CSNK2A2IP: variants seen among roughly 807,000 people sequenced by gnomAD.
CSNK2A2IP encodes casein kinase II subunit alpha'-interacting protein.
chr3:88,462,968 A>T, the CSNK2A2IP span, among the ~76,000 whole-genome samples: 1 of 152,226 alleles, frequency 6.6e-6, no homozygotes, highest in African/African-American at 2.4e-5. Context: ...TAAGGCTTGA[A>T]AAACAAGTGA....
At chr3:88,404,349 A>G in the CSNK2A2IP span, among the ~76,000 whole-genome samples, 1 of 152,178 alleles carries the variant, frequency 6.6e-6, no homozygotes. Context: ...AAGTGAATAC[A>G]TTTCAGAGAC....
chr3:88,388,952 C>A, the CSNK2A2IP span, among the ~76,000 whole-genome samples: 1 of 145,400 alleles, frequency 6.9e-6, no homozygotes. Flanking sequence ...CTCCTTTGTG[C>A]TGCTTTAGAA....
chr3:88,362,516 A>T, the CSNK2A2IP span, among the ~76,000 whole-genome samples: 1 of 152,142 alleles, frequency 6.6e-6, no homozygotes, highest in Non-Finnish European at 1.5e-5. Flanking sequence ...GGTGGCATAG[A>T]TACTCCTGTA....
At chr3:88,362,095 T>A in the CSNK2A2IP span, among the ~76,000 whole-genome samples, 4 of 152,118 alleles carry the variant, frequency 2.6e-5, no homozygotes, top group Admixed American at 1.3e-4. Flanking sequence ...GAAGGCTTGA[T>A]CACAGGTGAC....
At chr3:88,420,423 C>T in the CSNK2A2IP span, among the ~76,000 whole-genome samples, 64 of 152,184 alleles carry the variant, frequency 4.2e-4, no homozygotes, top group Non-Finnish European at 7.8e-4. Flanking sequence ...AGATTAATAT[C>T]CCATCTTTGC....
At chr3:88,435,894 CACATTAT>C in the CSNK2A2IP span, among the ~76,000 whole-genome samples, 1 of 17,094 alleles carries the variant, frequency 5.9e-5, no homozygotes, top group Non-Finnish European at 2.6e-4. Context: ...ATATATAATG[CACATTAT>C]GTGTGCATTA....
chr3:88,446,047 TTTCTTTC>T, the CSNK2A2IP span, among the ~76,000 whole-genome samples: 1 of 63,062 alleles, frequency 1.6e-5, no homozygotes, highest in Admixed American at 1.5e-4. Context: ...TCTTTCTTTC[TTTCTTTC>T]TTTCTTTCTT....
the CSNK2A2IP span, among the ~76,000 whole-genome samples, chr3:88,433,085 T>C: frequency 1.3e-5 from 2 of 152,062 alleles, no homozygotes; most frequent in African/African-American, 4.8e-5. Context: ...TTGGTCCCTG[T>C]AGACCTTCAT....
chr3:88,363,474 C>T, the CSNK2A2IP span, among the ~76,000 whole-genome samples: 4 of 152,018 alleles, frequency 2.6e-5, no homozygotes, highest in Non-Finnish European at 5.9e-5. Flanking sequence ...TTACTTTCTG[C>T]TACTTCTAAT....
At chr3:88,435,647 G>A in the CSNK2A2IP span, among the ~76,000 whole-genome samples, 1 of 152,026 alleles carries the variant, frequency 6.6e-6, no homozygotes. Context: ...ATTACTTGCG[G>A]CCTTTAAAAA....
the CSNK2A2IP span, among the ~76,000 whole-genome samples, chr3:88,404,824 T>C: frequency 2.4e-5 from 3 of 122,666 alleles, no homozygotes; most frequent in African/African-American, 8.0e-5. Flanking sequence ...TTTGTGTGAC[T>C]AAAGTTTCTT....
At chr3:88,449,868 T>G in the CSNK2A2IP span, among the ~76,000 whole-genome samples, 604 of 74,142 alleles carry the variant, frequency 8.1e-3, 14 homozygotes, top group East Asian at 0.03. Context: ...TATATATATA[T>G]ATATATAGAG....
chr3:88,371,893 G>A, the CSNK2A2IP span, among the ~76,000 whole-genome samples: 1 of 151,598 alleles, frequency 6.6e-6, no homozygotes, highest in Non-Finnish European at 1.5e-5. Flanking sequence ...GGAGGCATTA[G>A]AATGACATAT....
chr3:88,465,954 G>T, the CSNK2A2IP span: 2 of 1,231,546 alleles, frequency 1.6e-6, no homozygotes, highest in Non-Finnish European at 2.0e-6. Context: ...ACATCATTTG[G>T]ACATCATCTT....
chr3:88,360,237 C>T, the CSNK2A2IP span, among the ~76,000 whole-genome samples: 2 of 150,936 alleles, frequency 1.3e-5, no homozygotes, highest in African/African-American at 2.4e-5. Flanking sequence ...AGGTTCACGC[C>T]ATTCTCCTGC....
At chr3:88,343,684 G>A in the CSNK2A2IP span, among the ~76,000 whole-genome samples, 1 of 151,790 alleles carries the variant, frequency 6.6e-6, no homozygotes, top group Non-Finnish European at 1.5e-5. Flanking sequence ...GGGATCAAAG[G>A]GCTATTGCAC....
the CSNK2A2IP span, among the ~76,000 whole-genome samples, chr3:88,350,976 C>A: frequency 6.6e-6 from 1 of 152,076 alleles, no homozygotes; most frequent in Non-Finnish European, 1.5e-5. Flanking sequence ...GGCAGAAGAG[C>A]AAGATAGAAA....
the CSNK2A2IP span, among the ~76,000 whole-genome samples, chr3:88,418,463 T>TGTGCACGC: frequency 2.1e-4 from 32 of 149,536 alleles, no homozygotes; most frequent in African/African-American, 7.9e-4. Flanking sequence ...TGTGTGTGTG[T>TGTGCACGC]GCGCGCGGGC....
At chr3:88,348,646 C>A in the CSNK2A2IP span, among the ~76,000 whole-genome samples, 1 of 151,974 alleles carries the variant, frequency 6.6e-6, no homozygotes, top group Non-Finnish European at 1.5e-5. Flanking sequence ...TTTAGGGTTT[C>A]CTGAAAACCC....
Sources: allele counts gnomAD v4.1 joint callset (sites outside exome capture counted in the v4.1 genomes callset), GRCh38; gene constraint gnomAD v4.1.1; transcripts MANE v1.5; gene names NCBI Gene and HGNC (gene_info 2026-07-23, HGNC 2026-07-21).